Variants in LRRC28 observed in about 807,000 individuals in gnomAD.
LRRC28 encodes the protein leucine rich repeat containing 28.
Under a neutral mutation model 45.7 loss-of-function variants are expected in LRRC28, and 39 were observed. The ratio of observed to expected loss-of-function variants is 0.85; its 90% CI spans 0.66 to 1.12. The LOEUF is 1.12. Among genes scored for constraint, LRRC28 ranks in the 50% most tolerant of loss-of-function variants. LRRC28 has a pLI of 0.00. For missense variants in LRRC28, 435 were observed against 438.5 expected, an observed-to-expected ratio of 0.99 and a Z score of 0.07; for synonymous variants, 206 against 178.8, an observed-to-expected ratio of 1.15 and a Z score of -1.22.
intron 9 of LRRC28, among the ~76,000 whole-genome samples, chr15:99,370,293 C>A (rs8041236): frequency 0.15 from 23,567 of 152,190 alleles, 1,864 homozygotes; most frequent in African/African-American, 0.17. Context: ...AATATACTTT[C>A]AACTCATAAA....
Position 99,259,328 on chromosome 15 carries a change from G to A in LRRC28, c.168+3203G>A, listed in dbSNP as rs529905381. On this transcript the variant is annotated intron_variant, in intron 2 of 9. Coordinates refer to ENST00000301981, the MANE Select transcript of LRRC28 (RefSeq NM_144598.5). Reference sequence around the variant, plus strand: ...TGAAGTTATTTACCTCACAGAACCTGTGGTTGAATACTGCATTCAGGCCCT... The same window carrying A: ...TGAAGTTATTTACCTCACAGAACCTATGGTTGAATACTGCATTCAGGCCCT... 3.6e-6 allele frequency: 5 copies of A among 1,372,118 alleles called. No homozygotes were observed. The African/African-American group carries it at 5.7e-5, about 16-fold the overall frequency. 85.0% of individuals were successfully genotyped at this position (1,372,118 alleles called of 1,614,324 possible).
chr15:99,287,922 C>A lies in LRRC28; in HGVS notation c.356C>A (p.Ala119Asp). 1 of 1,613,650 alleles carries A rather than the reference C, an allele frequency of 6.2e-7. No homozygotes were observed. The highest frequency in any genetic ancestry group is 8.5e-7 in the Non-Finnish European group (1 of 1,179,748). Residue 119 changes from alanine (A) to aspartate (D), a missense_variant, in exon 5 of 10, where the codon GCT becomes GAT. Coordinates refer to ENST00000301981, the MANE Select transcript of LRRC28 (RefSeq NM_144598.5). ...AGAGCTTTACGTCATCTTCGATTAG[C>A]TAATAACCAACTGCAATTCCTACCT... is the stretch of plus-strand genomic sequence containing the variant. ...RLRALRHLRLANNQLQFLPPE... is the reference protein window; with the variant it reads ...RLRALRHLRLDNNQLQFLPPE...
At chr15:99,341,560 T>C (rs556143728) in intron 6 of LRRC28, among the ~76,000 whole-genome samples, 8 of 152,278 alleles carry the variant, frequency 5.3e-5, no homozygotes, top group African/African-American at 1.9e-4. Flanking sequence ...TGCACCTAGA[T>C]TAGGTGAGCT....
At chr15:99,341,896 G>C (rs1378960648) in intron 6 of LRRC28, among the ~76,000 whole-genome samples, 1 of 152,170 alleles carries the variant, frequency 6.6e-6, no homozygotes, top group African/African-American at 2.4e-5. Flanking sequence ...GTCTCCATCA[G>C]TCATAGCTTT....
chr15:99,379,367 C>T (rs1332743597), intron 9 of LRRC28, among the ~76,000 whole-genome samples: 1 of 152,184 alleles, frequency 6.6e-6, no homozygotes, highest in Non-Finnish European at 1.5e-5. Flanking sequence ...GTTTGTATTT[C>T]TGTGGGATCG....
At chr15:99,356,596 A>G (rs1274425411) in intron 7 of LRRC28, among the ~76,000 whole-genome samples, 1 of 152,196 alleles carries the variant, frequency 6.6e-6, no homozygotes, top group Non-Finnish European at 1.5e-5. Context: ...GGCATCCTTG[A>G]AGGAAAATAG....
intron 5 of LRRC28, 103 bp from the exon 6 acceptor site, chr15:99,333,820 G>T (rs888153132): frequency 8.6e-7 from 1 of 1,167,136 alleles, no homozygotes; most frequent in African/African-American, 1.5e-5. Context: ...GGGAATAGTC[G>T]CAGCTACTGA....
intron 6 of LRRC28, among the ~76,000 whole-genome samples, chr15:99,347,369 T>C (rs1175824582): frequency 3.3e-5 from 5 of 152,184 alleles, no homozygotes; most frequent in South Asian, 2.1e-4. Flanking sequence ...GCACCATGCC[T>C]GGCTAATTTT....
rs760133744 is a variant in LRRC28, at chr15:99,386,008, C to T, written c.1032-22C>T. The T allele has an allele frequency of 1.6e-5, 26 of 1,608,602 alleles. 1 individual carries two copies. The highest frequency in any genetic ancestry group is 1.7e-4 in the Middle Eastern group (1 of 6,052). On this transcript the variant is annotated intron_variant, in intron 9 of 9. Coordinates refer to ENST00000301981, the MANE Select transcript of LRRC28 (RefSeq NM_144598.5). Reference sequence around the variant, plus strand: ...TTAATCTTGAACTCACAGCGTTCTTCTCTCCCTTTTTCCCCTTCCAGGAAG... The same window carrying T: ...TTAATCTTGAACTCACAGCGTTCTTTTCTCCCTTTTTCCCCTTCCAGGAAG...
intron 2 of LRRC28, chr15:99,258,906 A>G: frequency 1.4e-6 from 1 of 719,920 alleles, no homozygotes; most frequent in Non-Finnish European, 2.6e-6. Flanking sequence ...AAGAACCTGA[A>G]TTTTGTCAAG....
At chr15:99,322,078 A>G (rs78958593) in intron 5 of LRRC28, among the ~76,000 whole-genome samples, 8,963 of 152,256 alleles carry the variant, frequency 0.059, 348 homozygotes, top group Non-Finnish European at 0.09. Flanking sequence ...AGCAGATTCA[A>G]AGCCTCCAAG....
chr15:99,360,090 C>T (rs1957159687), intron 7 of LRRC28, among the ~76,000 whole-genome samples: 1 of 152,206 alleles, frequency 6.6e-6, no homozygotes, highest in Non-Finnish European at 1.5e-5. Context: ...CCACACCTAA[C>T]AGTCTTCCCC....
At chr15:99,264,004 G>T (rs577442486) in intron 2 of LRRC28, among the ~76,000 whole-genome samples, 1 of 152,302 alleles carries the variant, frequency 6.6e-6, no homozygotes, top group South Asian at 2.1e-4. Context: ...GGTTCTGTTG[G>T]AAGTAAGAGC....
chr15:99,333,787 T>C, intron 5 of LRRC28, 136 bp from the exon 6 acceptor site: 1 of 880,236 alleles, frequency 1.1e-6, no homozygotes, highest in Non-Finnish European at 1.7e-6. Flanking sequence ...CCAAAAATCC[T>C]GCACTTCAGC....
At chr15:99,297,521 GCCTAAATGCT>G (rs1486687371) in intron 5 of LRRC28, among the ~76,000 whole-genome samples, 1 of 149,684 alleles carries the variant, frequency 6.7e-6, no homozygotes, top group Non-Finnish European at 1.5e-5. Context: ...GCTTTGGCCT[GCCTAAATGCT>G]GGGTTAAAGG....
chr15:99,335,236 A>G (rs949886685), intron 6 of LRRC28, among the ~76,000 whole-genome samples: 1 of 152,166 alleles, frequency 6.6e-6, no homozygotes, highest in Admixed American at 6.5e-5. Context: ...TCAAGCACCA[A>G]ATTACAAATC....
At position 99,387,171 on chromosome 15, in the gene LRRC28, C is replaced by T. The variant is rs1357759793; in HGVS notation, c.*1069C>T. ...CGCCTCCCGGGTTCACGCCATTCTC[C>T]TGCCTCAGCCTCCCAAGTAGCTGGG... On this transcript the variant is annotated 3_prime_UTR_variant, in exon 10 of 10. Coordinates refer to ENST00000301981, the MANE Select transcript of LRRC28 (RefSeq NM_144598.5). The T allele has an allele frequency of 4.1e-5, 6 of 147,860 alleles. No individual in the cohort carries two copies. Among genetic ancestry groups the T allele is most frequent in the Middle Eastern group, 3.5e-3 (1 of 288 alleles). The allele number at this position is 147,860 out of a possible 1,614,324, so 9.2% of individuals were successfully genotyped here.
At position 99,363,301 on chromosome 15, in the gene LRRC28, C is replaced by A. The variant is rs745810090; in HGVS notation, c.1031+36C>A. 1.9e-6 allele frequency: 3 copies of A among 1,607,920 alleles called. No homozygotes were observed. In the South Asian group the frequency reaches 3.3e-5, roughly 18 times the overall value. On this transcript the variant is annotated intron_variant, in intron 9 of 9. Coordinates refer to ENST00000301981, the MANE Select transcript of LRRC28 (RefSeq NM_144598.5). Reference sequence around the variant, plus strand: ...CTAAGTGGGCACCAGGGTTTACACCCAGGCAAGGGGTGGCAGGTGGGGAGG... The same window carrying A: ...CTAAGTGGGCACCAGGGTTTACACCAAGGCAAGGGGTGGCAGGTGGGGAGG...
intron 2 of LRRC28, among the ~76,000 whole-genome samples, chr15:99,275,476 G>A (rs184858030): frequency 6.6e-6 from 1 of 152,360 alleles, no homozygotes; most frequent in Admixed American, 6.5e-5. Flanking sequence ...GTACCTGGGG[G>A]CCCTGCAGAT....
Sources: gnomAD v4.1 joint callset for allele counts (sites outside exome capture counted in the v4.1 genomes callset) on GRCh38, gnomAD v4.1.1 for gene constraint, MANE v1.5 for transcripts, NCBI Gene and HGNC (gene_info 2026-07-23, HGNC 2026-07-21) for gene names.